SYTL3: variants seen among roughly 807,000 people sequenced by gnomAD.
SYTL3 encodes synaptotagmin-like protein 3.
Under a neutral mutation model 82.1 loss-of-function variants are expected in SYTL3, and 88 were observed. That is an observed-to-expected ratio of 1.07 (90% CI 0.90 to 1.28). The LOEUF (loss-of-function observed/expected upper bound fraction) is 1.28, where lower values mean the gene tolerates loss of function less well. Among genes scored for constraint, SYTL3 ranks in the 50% most tolerant of loss-of-function variants. SYTL3 has a pLI of 0.00. For synonymous variants in SYTL3, 311 were observed against 289.4 expected, an observed-to-expected ratio of 1.07 and a Z score of -0.76; for missense variants, 831 against 757.6, an observed-to-expected ratio of 1.10 and a Z score of -1.14.
chr6:158,671,145 A>G (rs1777339730), intron 5 of SYTL3, among the ~76,000 whole-genome samples: 1 of 152,096 alleles, frequency 6.6e-6, no homozygotes, highest in Non-Finnish European at 1.5e-5. Flanking sequence ...TTTTGTGTTT[A>G]CTAAAGGGAA....
chr6:158,707,751 GC>G (rs1554255466), intron 7 of SYTL3, among the ~76,000 whole-genome samples: 1 of 152,196 alleles, frequency 6.6e-6, no homozygotes, highest in Non-Finnish European at 1.5e-5. Flanking sequence ...CAGTCATGAA[GC>G]TGGCCATAAT....
chr6:158,668,529 G>T (rs185681870), intron 5 of SYTL3, among the ~76,000 whole-genome samples: 290 of 149,702 alleles, frequency 1.9e-3, no homozygotes, highest in African/African-American at 7.1e-3. Flanking sequence ...GCGCCCGGCC[G>T]GCAGAGTCTT....
upstream of SYTL3, among the ~76,000 whole-genome samples, chr6:158,648,460 G>A (rs1249719016): frequency 1.3e-5 from 2 of 151,516 alleles, no homozygotes; most frequent in Non-Finnish European, 2.9e-5. Context: ...GTGCGGTGGT[G>A]GGCGCCTGTA....
At chr6:158,717,722 T>C (rs1343508103) in intron 9 of SYTL3, among the ~76,000 whole-genome samples, 2 of 152,158 alleles carry the variant, frequency 1.3e-5, no homozygotes, top group Admixed American at 6.5e-5. Flanking sequence ...GAAAGCCGGC[T>C]TGTTTGGTAG....
At chr6:158,653,629 G>A (rs968532416) in intron 2 of SYTL3, among the ~76,000 whole-genome samples, 3 of 152,218 alleles carry the variant, frequency 2.0e-5, no homozygotes, top group Non-Finnish European at 4.4e-5. Context: ...GTGGCTGCAC[G>A]CTGAAGCTGT....
At chr6:158,757,686 G>A (rs140596802) in intron 14 of SYTL3, among the ~76,000 whole-genome samples, 1 of 152,356 alleles carries the variant, frequency 6.6e-6, no homozygotes, top group African/African-American at 2.4e-5. Context: ...GCTGGTGGCT[G>A]ACCTGCTGGA....
chr6:158,764,583 CAT>C lies in SYTL3; in HGVS notation c.1813_1814del (p.Met605AspfsTer8), dbSNP rs769504287. ...VLSSPNLWTD[M>X]TLVLH is the part of the protein sequence containing the mutation. ...TTTCCAGCCCCAATCTATGGACAGA[CAT>C]GACTCTTGTCCTGCACTGACATGAA... is the stretch of plus-strand genomic sequence containing the variant. On this transcript the variant is annotated frameshift_variant, in exon 18 of 18. Coordinates refer to ENST00000611299, the MANE Select transcript of SYTL3 (RefSeq NM_001242394.2). LOFTEE classifies it high-confidence loss of function. The C allele has an allele frequency of 1.9e-6, 3 of 1,613,486 alleles. No homozygotes were observed. In the South Asian group the frequency reaches 3.3e-5, roughly 18 times the overall value.
intron 13 of SYTL3, among the ~76,000 whole-genome samples, chr6:158,753,125 A>T (rs1254941940): frequency 1.6e-5 from 2 of 128,986 alleles, no homozygotes; most frequent in Non-Finnish European, 3.1e-5. Flanking sequence ...TTGGTCGCCC[A>T]GGCTGGAGTG....
At chr6:158,745,209 C>G (rs562688648) in intron 11 of SYTL3, among the ~76,000 whole-genome samples, 1 of 145,816 alleles carries the variant, frequency 6.9e-6, no homozygotes. Context: ...TCGCCCCAAG[C>G]AATTTGTGTT....
At chr6:158,739,989 A>G (rs1382723578) in intron 11 of SYTL3, among the ~76,000 whole-genome samples, 1 of 126,784 alleles carries the variant, frequency 7.9e-6, no homozygotes, top group East Asian at 2.0e-4. Flanking sequence ...TTTTTAGGCA[A>G]CTTACTTTTT....
At chr6:158,756,351 G>T (rs769805534) in intron 13 of SYTL3, among the ~76,000 whole-genome samples, 52 of 152,242 alleles carry the variant, frequency 3.4e-4, no homozygotes, top group Non-Finnish European at 5.7e-4. Context: ...CGTCCCTCCA[G>T]GGCAAACACG....
intron 13 of SYTL3, 50 bp downstream of exon 13, chr6:158,752,080 G>A: frequency 7.2e-7 from 1 of 1,390,412 alleles, no homozygotes; most frequent in African/African-American, 1.5e-5. Flanking sequence ...AGCCCGGGTG[G>A]AGCGCCTGGG....
At chr6:158,658,672 C>T (rs1264723665) in intron 2 of SYTL3, among the ~76,000 whole-genome samples, 1 of 152,160 alleles carries the variant, frequency 6.6e-6, no homozygotes, top group Non-Finnish European at 1.5e-5. Flanking sequence ...CGCCTATAAT[C>T]CCAGCACTTT....
At chr6:158,763,556 C>A in intron 17 of SYTL3, 47 bp downstream of exon 17, 1 of 1,517,204 alleles carries the variant, frequency 6.6e-7, no homozygotes, top group South Asian at 1.1e-5. Context: ...TGTGATTATC[C>A]TAATGGGTAC....
At position 158,757,343 on chromosome 6, in the gene SYTL3, A is replaced by G. The variant is rs747465079; in HGVS notation, c.1270A>G (p.Thr424Ala). ...PLATWDFEDS[T>A]TQSFRWHPLR... The stretch of plus-strand genomic sequence containing the variant: ...GGCCACGTGGGACTTTGAAGACAGC[A>G]CAACACAGTCCTTCCGCTGGCATCC... The change falls in exon 14 of 18, where the codon ACA (threonine) becomes GCA (alanine). Residue 424 changes from threonine to alanine, a missense_variant. Transcript: ENST00000611299. 2.2e-5 allele frequency: 36 copies of G among 1,614,032 alleles called. No homozygotes were observed. Among genetic ancestry groups the G allele is most frequent in the Non-Finnish European group, 2.5e-5 (30 of 1,179,990 alleles).
At chr6:158,745,810 C>A (rs1158359132) in intron 12 of SYTL3, 152 bp downstream of exon 12, 3 of 693,134 alleles carry the variant, frequency 4.3e-6, no homozygotes, top group East Asian at 2.8e-5. Context: ...TGTAGCAATG[C>A]AAACAATGTG....
intron 6 of SYTL3, among the ~76,000 whole-genome samples, chr6:158,698,168 G>A (rs532926578): frequency 2.6e-5 from 4 of 152,220 alleles, no homozygotes; most frequent in East Asian, 3.9e-4. Flanking sequence ...AGGCAGAGGC[G>A]GGCAGATCAC....
At chr6:158,682,878 A>G (rs1778871516) in intron 5 of SYTL3, 47 bp from the exon 6 acceptor site, 11 of 1,449,998 alleles carry the variant, frequency 7.6e-6, no homozygotes, top group Non-Finnish European at 9.7e-6. Flanking sequence ...ATATAGCACT[A>G]TTCATATCTT....
intron 5 of SYTL3, among the ~76,000 whole-genome samples, chr6:158,681,759 C>G (rs1713872784): frequency 1.3e-5 from 2 of 152,346 alleles, no homozygotes; most frequent in Admixed American, 1.3e-4. Context: ...TACTTCAGGT[C>G]CTCCCAAGAA....
Sources: gnomAD v4.1 joint callset for allele counts (sites outside exome capture counted in the v4.1 genomes callset) on GRCh38, gnomAD v4.1.1 for gene constraint, MANE v1.5 for transcripts, NCBI Gene and HGNC (gene_info 2026-07-23, HGNC 2026-07-21) for gene names.